Variants in COMMD10 observed in about 807,000 individuals in gnomAD.
COMMD10 encodes the protein COMM domain-containing protein 10.
Under a neutral mutation model 28.9 loss-of-function variants are expected in COMMD10, and 33 were observed. The observed-to-expected ratio is 1.14, with a 90% CI of 0.87 to 1.53. COMMD10 has a LOEUF of 1.53. Among genes scored for constraint, COMMD10 ranks in the 40% most tolerant of loss-of-function variants. The probability of loss-of-function intolerance (pLI) is 0.00; values close to 1 mark genes in which losing one functional copy is unlikely to be tolerated. For synonymous variants in COMMD10, 110 were observed against 81.7 expected (o/e 1.35, Z -1.87); for missense variants, 310 against 233.4 (o/e 1.33, Z -2.14).
At chr5:116,238,858 C>G (rs142814485) in intron 5 of COMMD10, among the ~76,000 whole-genome samples, 1 of 152,146 alleles carries the variant, frequency 6.6e-6, no homozygotes, top group South Asian at 2.1e-4. Flanking sequence ...CTGTCACTTA[C>G]AAATATGTAT....
intron 5 of COMMD10, among the ~76,000 whole-genome samples, chr5:116,192,761 A>G (rs1231783760): frequency 6.6e-6 from 1 of 152,200 alleles, no homozygotes; most frequent in Non-Finnish European, 1.5e-5. Flanking sequence ...CATCCAGGAA[A>G]ACTTCGCCAG....
intron 5 of COMMD10, among the ~76,000 whole-genome samples, chr5:116,246,482 A>G (rs1749954831): frequency 6.6e-6 from 1 of 152,058 alleles, no homozygotes; most frequent in Non-Finnish European, 1.5e-5. Context: ...GAAAAAAAAA[A>G]AACTATCTTA....
chr5:116,126,452 A>T (rs926320989), intron 4 of COMMD10, among the ~76,000 whole-genome samples: 1 of 152,172 alleles, frequency 6.6e-6, no homozygotes, highest in Non-Finnish European at 1.5e-5. Context: ...ACCAAAAAAG[A>T]GCCCTCATTG....
At chr5:116,230,581 A>G (rs1749505165) in intron 5 of COMMD10, among the ~76,000 whole-genome samples, 3 of 152,012 alleles carry the variant, frequency 2.0e-5, no homozygotes, top group African/African-American at 7.2e-5. Flanking sequence ...ATTTCTCACA[A>G]TAAATAAACA....
At chr5:116,111,080 T>TA (rs1249728060) in intron 4 of COMMD10, among the ~76,000 whole-genome samples, 2 of 152,228 alleles carry the variant, frequency 1.3e-5, no homozygotes, top group African/African-American at 4.8e-5. Context: ...TTGTTCATAA[T>TA]AGTCTCTGAT....
rs368859527 is a variant in COMMD10, at chr5:116,190,763, C to G, written c.510+56585C>G. On this transcript the variant is annotated intron_variant, in intron 5 of 6. Transcript: ENST00000274458. ...ACAACTTTAAGCTGAAATACTAATC[C>G]TGAAAGATAAGAATGAAAACTCAAA... Among the ~76,000 whole-genome samples the G allele has an allele frequency of 9.2e-5, 14 of 152,212 alleles. No individual in the cohort carries two copies. In the East Asian group the frequency reaches 1.7e-3, roughly 19 times the overall value.
At chr5:116,257,255 A>T (rs2112681323) in intron 5 of COMMD10, among the ~76,000 whole-genome samples, 1 of 151,740 alleles carries the variant, frequency 6.6e-6, no homozygotes, top group East Asian at 1.9e-4. Context: ...AAAAACTTTC[A>T]GATGTTGGAG....
At chr5:116,199,964 C>G (rs989121957) in intron 5 of COMMD10, among the ~76,000 whole-genome samples, 9 of 151,926 alleles carry the variant, frequency 5.9e-5, no homozygotes, top group African/African-American at 2.2e-4. Context: ...ATATTTTACT[C>G]TACTCTTTTT....
At chr5:116,144,035 A>AT (rs1439371441) in intron 5 of COMMD10, among the ~76,000 whole-genome samples, 1 of 151,856 alleles carries the variant, frequency 6.6e-6, no homozygotes, top group Non-Finnish European at 1.5e-5. Context: ...CGACAGGTTT[A>AT]TTTTTTGAGC....
intron 5 of COMMD10, among the ~76,000 whole-genome samples, chr5:116,185,076 A>C (rs891407179): frequency 2.0e-5 from 3 of 152,146 alleles, no homozygotes; most frequent in Non-Finnish European, 4.4e-5. Flanking sequence ...CCAAAGATGA[A>C]CAAGTCCTAC....
At chr5:116,151,589 T>G (rs142224707) in intron 5 of COMMD10, among the ~76,000 whole-genome samples, 124,770 of 152,002 alleles carry the variant, frequency 0.82, 51,368 homozygotes, top group African/African-American at 0.84. Flanking sequence ...ATCTTGGGAG[T>G]GTATATGTGT....
chr5:116,163,039 T>C (rs1378713304), intron 5 of COMMD10, among the ~76,000 whole-genome samples: 2 of 152,056 alleles, frequency 1.3e-5, no homozygotes. Flanking sequence ...TGGGGCTCCT[T>C]ACCACTTCTT....
At chr5:116,243,010 G>A (rs532000497) in intron 5 of COMMD10, among the ~76,000 whole-genome samples, 149 of 152,198 alleles carry the variant, frequency 9.8e-4, no homozygotes, top group Non-Finnish European at 1.8e-3. Context: ...TTTTTAAAAT[G>A]TTTCCTTTGA....
rs556221718 is a variant in COMMD10, at chr5:116,090,682, A to G, written c.133-397A>G. Among the ~76,000 whole-genome samples, 4 of 152,266 alleles carry G rather than the reference A, an allele frequency of 2.6e-5. 1 individual carries two copies. In the South Asian group the frequency reaches 8.3e-4, roughly 32 times the overall value. ...GGCATGTAGGCAGCTTCAAGAAATG[A>G]CTGCTGATCATGAAATGAAATGGGA... On this transcript the variant is annotated intron_variant, in intron 2 of 6. Coordinates refer to ENST00000274458, the MANE Select transcript of COMMD10 (RefSeq NM_016144.4).
At chr5:116,142,704 C>T (rs567575905) in intron 5 of COMMD10, among the ~76,000 whole-genome samples, 4 of 151,696 alleles carry the variant, frequency 2.6e-5, no homozygotes, top group South Asian at 2.1e-4. Flanking sequence ...AATATTATAG[C>T]GCCCCCTCTT....
chr5:116,189,750 A>G, intron 5 of COMMD10, among the ~76,000 whole-genome samples: 1 of 152,192 alleles, frequency 6.6e-6, no homozygotes, highest in East Asian at 1.9e-4. Context: ...TTAAGTCATG[A>G]CATCAGAAGA....
At chr5:116,239,694 C>T (rs1288102198) in intron 5 of COMMD10, among the ~76,000 whole-genome samples, 3 of 152,178 alleles carry the variant, frequency 2.0e-5, no homozygotes, top group Admixed American at 6.5e-5. Context: ...CAATTAAAAG[C>T]CCTGTCATAA....
intron 5 of COMMD10, among the ~76,000 whole-genome samples, chr5:116,237,425 AC>A (rs1749696557): frequency 6.6e-6 from 1 of 152,156 alleles, no homozygotes; most frequent in Non-Finnish European, 1.5e-5. Flanking sequence ...TTTACAAATC[AC>A]ATGATTTTCA....
At chr5:116,287,204 T>G (rs996112202) in intron 5 of COMMD10, among the ~76,000 whole-genome samples, 2 of 151,746 alleles carry the variant, frequency 1.3e-5, no homozygotes, top group Non-Finnish European at 2.9e-5. Context: ...GCTGCAGTTT[T>G]CAAAAAACTG....
Sources: allele counts gnomAD v4.1 joint callset (sites outside exome capture counted in the v4.1 genomes callset), GRCh38; gene constraint gnomAD v4.1.1; transcripts MANE v1.5; gene names NCBI Gene and HGNC (gene_info 2026-07-23, HGNC 2026-07-21).